The following KLHL4 variants were observed in gnomAD, a reference collection of about 807,000 sequenced individuals.
KLHL4 encodes kelch like family member 4, also known as kelch-like protein 4.
KLHL4 carries 17 observed loss-of-function variants against 45.8 expected under a neutral mutation model. The ratio of observed to expected loss-of-function variants is 0.37; its 90% CI spans 0.25 to 0.56. The LOEUF is 0.56. Ranked by LOEUF, KLHL4 falls within the 20% of genes least tolerant of loss-of-function variation. The pLI is 0.79. For missense variants in KLHL4, 544 were observed against 544.9 expected (o/e 1.00, Z 0.02); for synonymous variants, 224 against 189.9 (o/e 1.18, Z -1.47).
In KLHL4 at chrX:87,632,305, A is replaced by G; in HGVS notation, c.1420A>G (p.Ile474Val). The change falls in exon 7 of 11, where the codon ATT (isoleucine) becomes GTT (valine). Residue 474 changes from isoleucine (I) to valine (V), a missense_variant. Coordinates refer to ENST00000373119, the MANE Select transcript of KLHL4 (RefSeq NM_019117.5). ...GRRLQFGVAV[I>V]DNKLYVVGGR... is the part of the protein sequence containing the mutation. ...TAGGCTTCAATTTGGAGTCGCAGTT[A>G]TTGATAATAAGCTCTATGTCGTGGG... 1 of 1,208,131 alleles carries G rather than the reference A, an allele frequency of 8.3e-7. No homozygotes were observed. Among genetic ancestry groups the G allele is most frequent in the Non-Finnish European group, 1.1e-6 (1 of 892,308 alleles).
At chrX:87,551,147 A>T (rs932843185) in intron 1 of KLHL4, among the ~76,000 whole-genome samples, 1 of 111,248 alleles carries the variant, frequency 9.0e-6, no homozygotes, top group African/African-American at 3.3e-5. Context: ...GAAATCATAA[A>T]ATAATTCAAC....
At position 87,586,586 on chromosome X, in the gene KLHL4, T is replaced by C. The variant is rs1440574966; in HGVS notation, c.423-27291T>C. Among the ~76,000 whole-genome samples, 4 of 110,971 alleles carry C rather than the reference T, an allele frequency of 3.6e-5. No homozygotes were observed. In the East Asian group the frequency reaches 1.1e-3, roughly 31 times the overall value. Reference sequence around the variant, plus strand: ...ACAAATTTCTTGAAACAAGTGGTAATGGAAACACAACATATCAGAACCCAT... The same window carrying C: ...ACAAATTTCTTGAAACAAGTGGTAACGGAAACACAACATATCAGAACCCAT... On this transcript the variant is annotated intron_variant, in intron 1 of 10. Coordinates refer to ENST00000373119, the MANE Select transcript of KLHL4 (RefSeq NM_019117.5).
chrX:87,544,296 G>A (rs1317775692), intron 1 of KLHL4, among the ~76,000 whole-genome samples: 2 of 111,585 alleles, frequency 1.8e-5, no homozygotes, highest in Non-Finnish European at 3.8e-5. Context: ...TGCCAGTTCA[G>A]CCACAATACA....
chrX:87,555,841 C>A (rs1224594256), intron 1 of KLHL4, among the ~76,000 whole-genome samples: 2 of 110,013 alleles, frequency 1.8e-5, no homozygotes, highest in Non-Finnish European at 3.8e-5. Flanking sequence ...TTCCTGCTTT[C>A]TCTTGTGGGC....
At chrX:87,631,407 A>G (rs1923091704) in intron 6 of KLHL4, among the ~76,000 whole-genome samples, 1 of 112,056 alleles carries the variant, frequency 8.9e-6, no homozygotes, top group South Asian at 3.7e-4. Context: ...AGGTAATTCC[A>G]CCAAGGATTC....
At chrX:87,582,314 C>T (rs1434457814) in intron 1 of KLHL4, among the ~76,000 whole-genome samples, 4 of 111,755 alleles carry the variant, frequency 3.6e-5, no homozygotes, top group Non-Finnish European at 7.5e-5. Flanking sequence ...AGTCTGGAAT[C>T]GCGGATGCCA....
intron 1 of KLHL4, among the ~76,000 whole-genome samples, chrX:87,518,746 C>T (rs1256701903): frequency 2.7e-5 from 3 of 111,759 alleles, no homozygotes; most frequent in Non-Finnish European, 5.7e-5. Context: ...ACATCCTTAT[C>T]TGTTTCCTTA....
intron 9 of KLHL4, among the ~76,000 whole-genome samples, chrX:87,638,929 T>C (rs186548925): frequency 9.0e-6 from 1 of 111,505 alleles, no homozygotes; most frequent in Admixed American, 9.5e-5. Flanking sequence ...CACTAATTAA[T>C]ATCTGCTGTC....
chrX:87,636,051 A>G (rs1161729274), intron 9 of KLHL4, among the ~76,000 whole-genome samples: 1 of 111,564 alleles, frequency 9.0e-6, no homozygotes, highest in Non-Finnish European at 1.9e-5. Context: ...ACAGTGTTTA[A>G]TTACATTTTT....
chrX:87,632,479 A>C (rs768759080), intron 7 of KLHL4, 45 bp downstream of exon 7: 5 of 901,922 alleles, frequency 5.5e-6, no homozygotes, highest in South Asian at 2.9e-5. Flanking sequence ...TATAGTAAGT[A>C]GAGTTTTTAA....
At position 87,667,379 on chromosome X, in the gene KLHL4, T is replaced by TA. The variant is rs1924405571; in HGVS notation, c.*848dup. 1 of 698,516 alleles carries TA rather than the reference T, an allele frequency of 1.4e-6. No individual in the cohort carries two copies. The highest frequency in any genetic ancestry group is 1.7e-6 in the Non-Finnish European group (1 of 589,890). The allele number at this position is 698,516 out of a possible 1,213,427, so 57.6% of individuals were successfully genotyped here. Reference sequence around the variant, plus strand: ...TCCTCAAACATTTATGTTAACTCTATAAACAAATATCGTTAAGTTAAACAA... The same window carrying TA: ...TCCTCAAACATTTATGTTAACTCTATAAAACAAATATCGTTAAGTTAAACAA... On this transcript the variant is annotated 3_prime_UTR_variant, in exon 11 of 11. Transcript: ENST00000373119.
chrX:87,616,470 A>T (rs1016811866), intron 3 of KLHL4, among the ~76,000 whole-genome samples: 3 of 111,901 alleles, frequency 2.7e-5, no homozygotes, highest in African/African-American at 9.7e-5. Flanking sequence ...TCCACCTGAT[A>T]CATTTTAATC....
At chrX:87,556,336 G>A (rs919067350) in intron 1 of KLHL4, among the ~76,000 whole-genome samples, 6 of 109,889 alleles carry the variant, frequency 5.5e-5, no homozygotes, top group Admixed American at 9.8e-5. Flanking sequence ...GGAATACTAC[G>A]CAGCCATAAA....
chrX:87,659,954 G>A (rs1372819544), intron 9 of KLHL4, among the ~76,000 whole-genome samples: 1 of 78,821 alleles, frequency 1.3e-5, no homozygotes, highest in Admixed American at 1.3e-4. Flanking sequence ...GTGTGTGCGC[G>A]TATGAGTGTG....
chrX:87,568,276 T>C (rs1238982164), intron 1 of KLHL4, among the ~76,000 whole-genome samples: 1 of 109,857 alleles, frequency 9.1e-6, no homozygotes, highest in Non-Finnish European at 1.9e-5. Flanking sequence ...CCTGTGTTCC[T>C]GGATTGGAAG....
chrX:87,574,876 T>G (rs892519969), intron 1 of KLHL4, among the ~76,000 whole-genome samples: 18 of 111,998 alleles, frequency 1.6e-4, no homozygotes, highest in African/African-American at 5.5e-4. Flanking sequence ...GTGCCACTGT[T>G]CTGTAAAGTG....
intron 1 of KLHL4, among the ~76,000 whole-genome samples, chrX:87,539,745 C>G (rs1931511981): frequency 9.0e-6 from 1 of 111,122 alleles, no homozygotes; most frequent in South Asian, 3.7e-4. Context: ...TCCTAACATG[C>G]AGCATTACTC....
intron 9 of KLHL4, among the ~76,000 whole-genome samples, chrX:87,647,362 T>C (rs1923671108): frequency 1.8e-5 from 2 of 111,904 alleles, no homozygotes; most frequent in Admixed American, 9.5e-5. Flanking sequence ...ATATACCATT[T>C]GAAACAGCAA....
chrX:87,542,955 C>T (rs1027339870), intron 1 of KLHL4, among the ~76,000 whole-genome samples: 3 of 111,418 alleles, frequency 2.7e-5, no homozygotes, highest in Non-Finnish European at 3.8e-5. Flanking sequence ...ATGGAGGGAC[C>T]TAGTGGGAGG....
Sources: allele counts gnomAD v4.1 joint callset (sites outside exome capture counted in the v4.1 genomes callset), GRCh38; gene constraint gnomAD v4.1.1; transcripts MANE v1.5; gene names NCBI Gene and HGNC (gene_info 2026-07-23, HGNC 2026-07-21).